Variants in CACNA1A observed in about 807,000 individuals in gnomAD.
CACNA1A encodes the protein voltage-dependent P/Q-type calcium channel subunit alpha-1A.
A neutral mutation model predicts 262.4 loss-of-function variants in CACNA1A; 57 were observed. That is an observed-to-expected ratio of 0.22 (90% confidence interval 0.18 to 0.27). The LOEUF (loss-of-function observed/expected upper bound fraction) is 0.27, where lower values mean the gene tolerates loss of function less well. CACNA1A is among the 10% of genes least tolerant of loss of function. The pLI is 1.00. For synonymous variants in CACNA1A, 1,431 were observed against 1,419.3 expected (o/e 1.01, Z -0.18); for missense variants, 2,526 against 3,562.8 (o/e 0.71, Z 7.41).
chr19:13,259,491 C>A, intron 27 of CACNA1A, 73 bp downstream of exon 27: 1 of 1,461,784 alleles, frequency 6.8e-7, no homozygotes, highest in Non-Finnish European at 9.2e-7. Context: ...TTTCTTATTG[C>A]TAAGCTCTCA....
chr19:13,341,426 G>A (rs938807087), intron 6 of CACNA1A, among the ~76,000 whole-genome samples: 5 of 152,188 alleles, frequency 3.3e-5, no homozygotes, highest in African/African-American at 9.7e-5. Context: ...GTTCTTTGTG[G>A]TTCAAGCTAC....
intron 3 of CACNA1A, among the ~76,000 whole-genome samples, chr19:13,413,885 G>GAAAAAAAGAA (rs1555783286): frequency 9.3e-6 from 1 of 107,700 alleles, no homozygotes; most frequent in East Asian, 2.9e-4. Context: ...TGTCAAGAAA[G>GAAAAAAAGAA]AAAGAAAGAA....
At chr19:13,242,494 C>T (rs1183753934) in intron 31 of CACNA1A, among the ~76,000 whole-genome samples, 1 of 152,044 alleles carries the variant, frequency 6.6e-6, no homozygotes, top group African/African-American at 2.4e-5. Context: ...CAGAGTTTCA[C>T]CATGTTGGCC....
At position 13,483,182 on chromosome 19, in the gene CACNA1A, G is replaced by A. The variant is rs150829658; in HGVS notation, c.293+22750C>T. Among the ~76,000 whole-genome samples, 6 of 152,174 alleles carry A rather than the reference G, an allele frequency of 3.9e-5. No homozygotes were observed. In the East Asian group the frequency reaches 1.2e-3, roughly 29 times the overall value. On this transcript the variant is annotated intron_variant, in intron 1 of 46. Coordinates refer to ENST00000360228, the MANE Select transcript of CACNA1A (RefSeq NM_001127222.2). ...CCTTCATACTCTTTTCCTACAGGCC[G>A]GAAGTGAAGGACTTTCTGATCTTAG...
At chr19:13,326,940 C>T (rs2145099008) in intron 10 of CACNA1A, among the ~76,000 whole-genome samples, 1 of 151,226 alleles carries the variant, frequency 6.6e-6, no homozygotes, top group South Asian at 2.1e-4. Context: ...GTCACGCAGG[C>T]TGGAGTGCAG....
chr19:13,438,969 C>A (rs890067751), intron 3 of CACNA1A, among the ~76,000 whole-genome samples: 1 of 152,090 alleles, frequency 6.6e-6, no homozygotes, highest in Non-Finnish European at 1.5e-5. Context: ...AAACTCCTGA[C>A]CTCAGGTGAT....
chr19:13,259,517 T>C lies in CACNA1A; in HGVS notation c.4388+47A>G, dbSNP rs763024520. The C allele has an allele frequency of 5.8e-6, 9 of 1,556,922 alleles. No individual in the cohort carries two copies. The African/African-American group carries it at 1.1e-4, about 19-fold the overall frequency. On this transcript the variant is annotated intron_variant, in intron 27 of 46. Transcript: ENST00000360228. ...TAAGCTCTCAGGCCCTTTATCCTCC[T>C]GCTCCCCAGGGCTCCTCCTGGATAG...
intron 24 of CACNA1A, among the ~76,000 whole-genome samples, chr19:13,270,638 T>G (rs1396202028): frequency 6.6e-6 from 1 of 152,232 alleles, no homozygotes; most frequent in African/African-American, 2.4e-5. Context: ...TCTAGCAGTT[T>G]GGCTCTTAGG....
At chr19:13,252,797 C>T in intron 30 of CACNA1A, 194 bp downstream of exon 30, 2 of 448,842 alleles carry the variant, frequency 4.5e-6, no homozygotes, top group Non-Finnish European at 4.0e-6. Context: ...GTAACACTCA[C>T]AGGTTGGGTC....
chr19:13,384,858 C>T (rs924145288), intron 3 of CACNA1A, among the ~76,000 whole-genome samples: 2 of 151,982 alleles, frequency 1.3e-5, no homozygotes, highest in African/African-American at 4.8e-5. Flanking sequence ...GTCAGTCTTG[C>T]GGGGGCTGAT....
At chr19:13,475,881 A>G (rs1225124996) in intron 1 of CACNA1A, among the ~76,000 whole-genome samples, 1 of 152,234 alleles carries the variant, frequency 6.6e-6, no homozygotes, top group Non-Finnish European at 1.5e-5. Context: ...TTTAGAAACC[A>G]AAACACATTG....
chr19:13,399,574 G>A (rs2059865062), intron 3 of CACNA1A, among the ~76,000 whole-genome samples: 1 of 152,124 alleles, frequency 6.6e-6, no homozygotes, highest in African/African-American at 2.4e-5. Flanking sequence ...CCTCTAATGA[G>A]CACGACCAGT....
At chr19:13,434,727 T>TCGTG (rs1167999083) in intron 3 of CACNA1A, among the ~76,000 whole-genome samples, 2 of 152,256 alleles carry the variant, frequency 1.3e-5, no homozygotes, top group African/African-American at 4.8e-5. Context: ...GCCTGCAGAA[T>TCGTG]CGTGAGTCAA....
chr19:13,493,266 C>T (rs961999143), intron 1 of CACNA1A, among the ~76,000 whole-genome samples: 2 of 152,192 alleles, frequency 1.3e-5, no homozygotes, highest in African/African-American at 2.4e-5. Context: ...CCACCCACTC[C>T]TCTTGAAGAA....
intron 3 of CACNA1A, among the ~76,000 whole-genome samples, chr19:13,406,503 ATATATATATG>A (rs2060010916): frequency 8.1e-6 from 1 of 122,976 alleles, no homozygotes; most frequent in Non-Finnish European, 1.7e-5. Flanking sequence ...ATATATATAT[ATATATATATG>A]AAGGGAATCT....
At chr19:13,213,355 CAGGG>C (rs2144530353) in intron 40 of CACNA1A, among the ~76,000 whole-genome samples, 1 of 152,310 alleles carries the variant, frequency 6.6e-6, no homozygotes, top group African/African-American at 2.4e-5. Flanking sequence ...GTCACTTTCT[CAGGG>C]AGGCTCCCCA....
intron 24 of CACNA1A, chr19:13,272,461 G>C (rs909071821): frequency 6.6e-6 from 1 of 152,354 alleles, no homozygotes; most frequent in African/African-American, 2.4e-5. Context: ...TTCCTCATCA[G>C]AATGCAGGGT....
At chr19:13,264,008 G>T (rs1305020861) in intron 24 of CACNA1A, among the ~76,000 whole-genome samples, 7 of 152,124 alleles carry the variant, frequency 4.6e-5, no homozygotes, top group Admixed American at 4.6e-4. Flanking sequence ...TGCTGATGTG[G>T]CTGCTGCCAT....
Position 13,410,165 on chromosome 19 carries a change from G to A in CACNA1A, c.540-38386C>T, listed in dbSNP as rs111636302. Among the ~76,000 whole-genome samples the A allele has an allele frequency of 2.9e-3, 441 of 151,524 alleles. 4 individuals carry two copies. The highest frequency in any genetic ancestry group is 9.9e-3 in the African/African-American group (410 of 41,302). On this transcript the variant is annotated intron_variant, in intron 3 of 46. Transcript: ENST00000360228. The stretch of plus-strand genomic sequence containing the variant: ...TCCTCCTGACACTCTTCTTCCTCCA[G>A]CATCCTCATGTTTTTCTCCCCTAAT...
Sources: gnomAD v4.1 joint callset for allele counts (sites outside exome capture counted in the v4.1 genomes callset) on GRCh38, gnomAD v4.1.1 for gene constraint, MANE v1.5 for transcripts, NCBI Gene and HGNC (gene_info 2026-07-23, HGNC 2026-07-21) for gene names.